The following ADAMTS10 variants were observed in gnomAD, a reference collection of about 807,000 sequenced individuals.
ADAMTS10 encodes the protein ADAM metallopeptidase with thrombospondin type 1 motif 10.
In ADAMTS10, 48 loss-of-function variants were observed where a neutral mutation model predicts 135.9. The observed-to-expected ratio is 0.35, with a 90% CI of 0.28 to 0.45. The LOEUF (loss-of-function observed/expected upper bound fraction) is 0.45, where lower values mean the gene tolerates loss of function less well. ADAMTS10 is among the 20% of genes least tolerant of loss of function. The pLI is 1.00. For synonymous variants in ADAMTS10, 621 were observed against 647.5 expected, an observed-to-expected ratio of 0.96 and a Z score of 0.62; for missense variants, 1,131 against 1,565.2, an observed-to-expected ratio of 0.72 and a Z score of 4.68.
chr19:8,599,876 C>A (rs2042644101), intron 6 of ADAMTS10, among the ~76,000 whole-genome samples: 1 of 151,754 alleles, frequency 6.6e-6, no homozygotes, highest in Non-Finnish European at 1.5e-5. Context: ...GCTCTGTTGC[C>A]CAGGCTGGAG....
intron 18 of ADAMTS10, among the ~76,000 whole-genome samples, chr19:8,588,278 G>T (rs868975614): frequency 3.1e-4 from 47 of 151,842 alleles, no homozygotes; most frequent in African/African-American, 1.1e-3. Context: ...TAGAGTTGGG[G>T]TCTCCCTAGG....
chr19:8,594,780 A>G (rs2042582931), intron 12 of ADAMTS10, among the ~76,000 whole-genome samples: 1 of 152,182 alleles, frequency 6.6e-6, no homozygotes, highest in Non-Finnish European at 1.5e-5. Flanking sequence ...GTCAGACACC[A>G]TGATCATTGT....
At chr19:8,589,868 C>A (rs201748444) in intron 16 of ADAMTS10, 21 bp downstream of exon 16, 4 of 1,606,572 alleles carry the variant, frequency 2.5e-6, no homozygotes, top group Non-Finnish European at 2.6e-6. Context: ...GGCCCCACAG[C>A]CTTTGGAGTC....
chr19:8,605,720 G>A lies in ADAMTS10; in HGVS notation c.-10C>T, dbSNP rs1226857985. 12 of 1,601,410 alleles carry A rather than the reference G, an allele frequency of 7.5e-6. No individual in the cohort carries two copies. Among genetic ancestry groups the A allele is most frequent in the Non-Finnish European group, 9.4e-6 (11 of 1,175,804 alleles). On this transcript the variant is annotated 5_prime_UTR_variant, in exon 3 of 26. The change creates a new upstream start codon in the 5' untranslated region. Coordinates refer to ENST00000597188, the MANE Select transcript of ADAMTS10 (RefSeq NM_030957.4). This position sits in a 1 kb window ranked among gnomAD's most constrained non-coding sequence, Gnocchi z 7.7. ...GGCAGGCGGGAGCCATAGAGGCCAC[G>A]TGTCCACATGTCTCTCCCCAGCCCC...
chr19:8,583,896 C>T (rs1300935157), intron 25 of ADAMTS10, among the ~76,000 whole-genome samples: 5 of 151,674 alleles, frequency 3.3e-5, no homozygotes, highest in Non-Finnish European at 5.9e-5. Context: ...TGGTGGCTCA[C>T]GCCTTTAATC....
At chr19:8,585,710 A>G (rs1555736906) in intron 22 of ADAMTS10, 50 bp from the exon 23 acceptor site, 2 of 1,569,018 alleles carry the variant, frequency 1.3e-6, no homozygotes, top group Non-Finnish European at 1.7e-6. Flanking sequence ...GGGGGTCCCA[A>G]CACAACAGCA....
Position 8,589,385 on chromosome 19 carries a change from G to A in ADAMTS10, c.2035-20C>T, listed in dbSNP as rs781828965. On this transcript the variant is annotated intron_variant, in intron 17 of 25. Coordinates refer to ENST00000597188, the MANE Select transcript of ADAMTS10 (RefSeq NM_030957.4). ...CACGTGCTGCGTGGAGAAGGCGTGAGTGAGGCGACCCCCTAACCCACCCCC... is the reference window on the plus strand; with the variant it reads ...CACGTGCTGCGTGGAGAAGGCGTGAATGAGGCGACCCCCTAACCCACCCCC... 30 of 1,611,846 alleles carry A rather than the reference G, an allele frequency of 1.9e-5. No individual in the cohort carries two copies. In the South Asian group the frequency reaches 3.0e-4, roughly 16 times the overall value.
At chr19:8,585,701 G>A in intron 22 of ADAMTS10, 41 bp from the exon 23 acceptor site, 2 of 1,596,102 alleles carry the variant, frequency 1.3e-6, no homozygotes, top group Non-Finnish European at 1.7e-6. Context: ...AGCAGGGCAG[G>A]GGGTCCCAAC....
chr19:8,601,029 G>A lies in ADAMTS10; in HGVS notation c.709C>T (p.Arg237Ter), dbSNP rs121434357. 4.3e-6 allele frequency: 7 copies of A among 1,614,142 alleles called. No homozygotes were observed. Among genetic ancestry groups the A allele is most frequent in the East Asian group, 4.5e-5 (2 of 44,880 alleles). ...ACCAGGGTCTCCACGTAGCGCTCTC[G>A]GCTGACCGATCGCTTCAGGCCTGGC... is the stretch of plus-strand genomic sequence containing the variant. ...GQPGLKRSVS[R>*]ERYVETLVVA... The change falls in exon 6 of 26, where the codon CGA becomes TGA. Residue 237 changes from arginine (R) to a stop codon, truncating the protein, a stop_gained. Coordinates refer to ENST00000597188, the MANE Select transcript of ADAMTS10 (RefSeq NM_030957.4). LOFTEE classifies it high-confidence loss of function. This position sits in a 1 kb window ranked among gnomAD's most constrained non-coding sequence, Gnocchi z 4.6.
chr19:8,595,128 T>C (rs1323384322), intron 12 of ADAMTS10, among the ~76,000 whole-genome samples: 1 of 152,056 alleles, frequency 6.6e-6, no homozygotes, highest in African/African-American at 2.4e-5. Flanking sequence ...TCGAGGCAGG[T>C]GGGCAGAGGA....
At chr19:8,592,593 C>A (rs2042552821) in intron 13 of ADAMTS10, among the ~76,000 whole-genome samples, 170 bp downstream of exon 13, 1 of 145,848 alleles carries the variant, frequency 6.9e-6, no homozygotes, top group African/African-American at 2.6e-5. Context: ...GTGGCCAACG[C>A]GGGAAGGAGC....
In ADAMTS10 at chr19:8,581,130, C is replaced by CCTT. The variant is rs1491576985; in HGVS notation, c.3203-129_3203-128insAAG. ...CTTGGTTTCTTTCTTTTTAAATTTA[C>CCTT]TTTTTTTTTTTTTTTTTTTTTTTTT... On this transcript the variant is annotated intron_variant, in intron 25 of 25. Coordinates refer to ENST00000597188, the MANE Select transcript of ADAMTS10 (RefSeq NM_030957.4). 1.2e-4 allele frequency: 17 copies of CCTT among 147,324 alleles called. 1 individual carries two copies. Among genetic ancestry groups the CCTT allele is most frequent in the African/African-American group, 9.2e-4 (17 of 18,394 alleles). The allele number at this position is 147,324 out of a possible 1,614,324, so 9.1% of individuals were successfully genotyped here.
chr19:8,586,571 G>T lies in ADAMTS10; in HGVS notation c.2390C>A (p.Ser797Tyr). ...SLEALGPINASLIVMVLARTE... is the reference protein window; with the variant it reads ...SLEALGPINAYLIVMVLARTE... The stretch of plus-strand genomic sequence containing the variant: ...TCTCCCTGTTACCATGACGATGAGA[G>T]ATGCATTAATCGGTCCCAGGGCTTC... The change falls in exon 20 of 26, where the codon TCT becomes TAT. Residue 797 changes from serine to tyrosine, a missense_variant. This residue lies in a region of ADAMTS10 where 745 missense variants were observed against 1,056.3 expected (regional missense o/e 0.71). Transcript: ENST00000597188. The T allele has an allele frequency of 6.2e-7, 1 of 1,613,822 alleles. No homozygotes were observed. The highest frequency in any genetic ancestry group is 8.5e-7 in the Non-Finnish European group (1 of 1,180,014).
At chr19:8,608,797 T>G (rs2042749189) in intron 1 of ADAMTS10, among the ~76,000 whole-genome samples, 1 of 151,956 alleles carries the variant, frequency 6.6e-6, no homozygotes, top group Non-Finnish European at 1.5e-5. Flanking sequence ...CCTTCTGTGC[T>G]TTGGGCTCAG....
In ADAMTS10 at chr19:8,605,611, G is replaced by A. The variant is rs1555742444; in HGVS notation, c.88+12C>T. 6.2e-7 allele frequency: 1 copy of A among 1,610,244 alleles called. No individual in the cohort carries two copies. Reference sequence around the variant, plus strand: ...CGCTCCCTCCCCACCGCCACCACCAGACTTCCCCTACCTTGAGACCGGAAG... The same window carrying A: ...CGCTCCCTCCCCACCGCCACCACCAAACTTCCCCTACCTTGAGACCGGAAG... On this transcript the variant is annotated intron_variant, in intron 3 of 25. Coordinates refer to ENST00000597188, the MANE Select transcript of ADAMTS10 (RefSeq NM_030957.4). The surrounding 1 kb of genome is among the most constrained non-coding windows in gnomAD (Gnocchi z 7.7).
chr19:8,581,125 ATTTACTTTTTTTTTT>A, intron 25 of ADAMTS10, 123 bp from the exon 26 acceptor site: 2 of 230,698 alleles, frequency 8.7e-6, no homozygotes. Flanking sequence ...TTCTTTTTAA[ATTTACTTTTTTTTTT>A]TTTTTTTTTT....
rs2042328724 is a variant in ADAMTS10, at chr19:8,580,488, G to A, written c.*405C>T. 5.4e-6 allele frequency: 1 copy of A among 185,738 alleles called. No homozygotes were observed. The highest frequency in any genetic ancestry group is 2.4e-5 in the African/African-American group (1 of 41,800). 11.5% of individuals were successfully genotyped at this position (185,738 alleles called of 1,614,324 possible). Reference sequence around the variant, plus strand: ...GATTCCCCCCCAGCTCGGAGTGGAGGGGTAGGGCAGTGCTGGGGGGCAGGG... The same window carrying A: ...GATTCCCCCCCAGCTCGGAGTGGAGAGGTAGGGCAGTGCTGGGGGGCAGGG... On this transcript the variant is annotated 3_prime_UTR_variant, in exon 26 of 26. Coordinates refer to ENST00000597188, the MANE Select transcript of ADAMTS10 (RefSeq NM_030957.4).
At position 8,586,179 on chromosome 19, in the gene ADAMTS10, G is replaced by A. The variant is rs1555737101; in HGVS notation, c.2603C>T (p.Ala868Val). The change falls in exon 22 of 26, where the codon GCC (alanine) becomes GTC (valine). Residue 868 changes from alanine (A) to valine (V), a missense_variant. Around this residue, in one of 3 missense-constraint regions of ADAMTS10, gnomAD observed 745 missense variants for 1,056.3 expected, o/e 0.71. Coordinates refer to ENST00000597188, the MANE Select transcript of ADAMTS10 (RefSeq NM_030957.4). ...SSAVAPHYCS[A>V]HSKLPKRQRA... is the part of the protein sequence containing the mutation. ...CTGCCTTTTGGGCAGCTTGCTGTGG[G>A]CACTGCAGTAGTGGGGGGCGACCGC... 6.2e-7 allele frequency: 1 copy of A among 1,613,156 alleles called. No homozygotes were observed. The highest frequency in any genetic ancestry group is 8.5e-7 in the Non-Finnish European group (1 of 1,180,006).
chr19:8,587,333 CT>C (rs559435857), intron 18 of ADAMTS10, among the ~76,000 whole-genome samples: 1,401 of 77,418 alleles, frequency 0.018, 8 homozygotes, highest in Middle Eastern at 0.038. Context: ...ACTAAAAAAC[CT>C]TTTTTTTTTT....
Sources: gnomAD v4.1 joint callset for allele counts (sites outside exome capture counted in the v4.1 genomes callset) on GRCh38, gnomAD v4.1.1 for gene constraint, gnomAD v4.1.1 regional missense constraint, Gnocchi (gnomAD v3.1) non-coding constraint, MANE v1.5 for transcripts, NCBI Gene and HGNC (gene_info 2026-07-23, HGNC 2026-07-21) for gene names.